SCN1A: variants seen among roughly 807,000 people sequenced by gnomAD.
The protein encoded by SCN1A is sodium channel protein type 1 subunit alpha.
A neutral mutation model predicts 193.7 loss-of-function variants in SCN1A; 13 were observed. The observed-to-expected ratio is 0.07, with a 90% CI of 0.04 to 0.11. The LOEUF (loss-of-function observed/expected upper bound fraction) is 0.11, where lower values mean the gene tolerates loss of function less well. SCN1A is among the 10% of genes least tolerant of loss of function. The probability of loss-of-function intolerance (pLI) is 1.00; values close to 1 mark genes in which losing one functional copy is unlikely to be tolerated. For synonymous variants in SCN1A, 781 were observed against 843.6 expected (o/e 0.93, Z 1.29); for missense variants, 1,432 against 2,451.1 (o/e 0.58, Z 8.78).
intron 2 of SCN1A, among the ~76,000 whole-genome samples, chr2:166,115,129 AG>A (rs1689709620): frequency 6.6e-6 from 1 of 152,102 alleles, no homozygotes; most frequent in South Asian, 2.1e-4. Flanking sequence ...AGGTCGAAAC[AG>A]GTGGATCACC....
At position 165,992,644 on chromosome 2, in the gene SCN1A, T is replaced by TA. The variant is rs34871628; in HGVS notation, c.4853-223dup. The TA allele has an allele frequency of 0.26, 57,114 of 218,556 alleles. 8,264 individuals carry two copies. The highest frequency in any genetic ancestry group is 0.44 in the Middle Eastern group (240 of 540). The allele number at this position is 218,556 out of a possible 1,614,324, so 13.5% of individuals were successfully genotyped here. ...TTATAAGGATTATAGTACTTTTTTT[T>TA]ATCTTTAAGAGATGTTTATAAACTA... On this transcript the variant is annotated intron_variant, in intron 28 of 28. Transcript: ENST00000674923. This position sits in a 1 kb window ranked among gnomAD's most constrained non-coding sequence, Gnocchi z 6.5.
chr2:166,073,257 A>G, intron 4 of SCN1A, 101 bp downstream of exon 4: 1 of 1,373,654 alleles, frequency 7.3e-7, no homozygotes, highest in Non-Finnish European at 1.0e-6. Context: ...ACAGAAGGAT[A>G]CTTAAGATTT....
intron 2 of SCN1A, chr2:166,081,764 C>A (rs908444112): frequency 6.6e-6 from 1 of 151,908 alleles, no homozygotes; most frequent in South Asian, 2.1e-4. Context: ...CCTCCTCACT[C>A]CCCCGTCTCT....
At chr2:166,124,238 G>C (rs1231050270) in intron 2 of SCN1A, among the ~76,000 whole-genome samples, 1 of 151,490 alleles carries the variant, frequency 6.6e-6, no homozygotes, top group Non-Finnish European at 1.5e-5. Flanking sequence ...GTACAGGAGA[G>C]CTTTTTTTTT....
chr2:166,046,651 A>T (rs1314094755), intron 12 of SCN1A, 119 bp downstream of exon 12: 1 of 930,538 alleles, frequency 1.1e-6, no homozygotes, highest in Non-Finnish European at 1.7e-6. Flanking sequence ...TCATCAAAAT[A>T]TAGAAATCAT....
intron 4 of SCN1A, among the ~76,000 whole-genome samples, chr2:166,069,502 A>T (rs16851442): frequency 6.6e-6 from 1 of 152,144 alleles, no homozygotes; most frequent in African/African-American, 2.4e-5. Flanking sequence ...ATATACTCTC[A>T]GCAGTGACAT....
At chr2:166,080,956 G>T (rs181839721) in intron 2 of SCN1A, among the ~76,000 whole-genome samples, 2 of 151,936 alleles carry the variant, frequency 1.3e-5, no homozygotes, top group Non-Finnish European at 2.9e-5. Flanking sequence ...AATATTCAGT[G>T]TCATTTCTAA....
intron 2 of SCN1A, among the ~76,000 whole-genome samples, chr2:166,093,535 G>A (rs1670254777): frequency 6.6e-6 from 1 of 151,928 alleles, no homozygotes; most frequent in African/African-American, 2.4e-5. Flanking sequence ...AGCAGAGATG[G>A]GGTTTCACCG....
intron 23 of SCN1A, chr2:166,009,373 C>A: frequency 5.9e-6 from 1 of 170,044 alleles, no homozygotes; most frequent in South Asian, 1.4e-4. Flanking sequence ...AGAATAAGTA[C>A]CTGATATAGA....
intron 2 of SCN1A, among the ~76,000 whole-genome samples, chr2:166,112,548 G>C (rs1347661993): frequency 6.6e-6 from 1 of 152,038 alleles, no homozygotes; most frequent in Non-Finnish European, 1.5e-5. Flanking sequence ...ATATCTCTGA[G>C]GTGTGCCTGT....
At chr2:166,047,008 A>T in intron 11 of SCN1A, 32 bp from the exon 12 acceptor site, 1 of 1,608,652 alleles carries the variant, frequency 6.2e-7, no homozygotes, top group Non-Finnish European at 8.5e-7. Flanking sequence ...TTATTTCTCA[A>T]TATTATTTCA....
At chr2:166,026,373 C>T (rs1694759159) in intron 19 of SCN1A, among the ~76,000 whole-genome samples, 1 of 151,920 alleles carries the variant, frequency 6.6e-6, no homozygotes, top group South Asian at 2.1e-4. Flanking sequence ...GATAATAACA[C>T]TATTATTATT....
intron 23 of SCN1A, 196 bp from the exon 24 acceptor site, chr2:166,002,949 T>G (rs1691142864): frequency 2.4e-6 from 1 of 425,266 alleles, no homozygotes; most frequent in African/African-American, 2.1e-5. Context: ...GGAAAACAAC[T>G]ATAGGCAATA....
chr2:166,037,905 G>A lies in SCN1A; in HGVS notation c.2817C>T (p.His939=). The stretch of plus-strand genomic sequence containing the variant: ...GCACGCGGAACACAATCAGGAAGGA[G>A]TGGAAGAAGTCATTCATGTGCCAGC... The part of the protein sequence containing the change: ...LPRWHMNDFF[H]SFLIVFRVLC... Residue 939 remains histidine, a synonymous_variant, in exon 18 of 29, where the codon CAC becomes CAT. Transcript: ENST00000674923. 6.2e-7 allele frequency: 1 copy of A among 1,614,182 alleles called. No homozygotes were observed. Among genetic ancestry groups the A allele is most frequent in the South Asian group, 1.1e-5 (1 of 91,080 alleles).
chr2:166,031,751 C>T (rs1483148414), intron 19 of SCN1A, among the ~76,000 whole-genome samples: 2 of 152,084 alleles, frequency 1.3e-5, no homozygotes, highest in African/African-American at 4.8e-5. Flanking sequence ...TAATTAGGCA[C>T]TGTGCTAAGT....
chr2:166,133,661 A>T (rs1482574968), intron 1 of SCN1A, among the ~76,000 whole-genome samples: 1 of 152,054 alleles, frequency 6.6e-6, no homozygotes, highest in Non-Finnish European at 1.5e-5. Flanking sequence ...TTTATTTTTG[A>T]TCTTTTCTTC....
chr2:166,004,905 C>T (rs1303525418), intron 23 of SCN1A, among the ~76,000 whole-genome samples: 4 of 151,462 alleles, frequency 2.6e-5, no homozygotes, highest in African/African-American at 4.8e-5. Context: ...AATGTTTTCC[C>T]CTTTGAATTC....
intron 2 of SCN1A, among the ~76,000 whole-genome samples, chr2:166,088,291 A>C (rs1356067458): frequency 6.6e-6 from 1 of 152,236 alleles, no homozygotes; most frequent in African/African-American, 2.4e-5. Context: ...TAAACATGTA[A>C]GACAATGGAA....
At chr2:166,050,479 T>C (rs150895750) in intron 9 of SCN1A, among the ~76,000 whole-genome samples, 2 of 150,912 alleles carry the variant, frequency 1.3e-5, no homozygotes, top group Non-Finnish European at 3.0e-5. Flanking sequence ...GTCAGTATTT[T>C]GAACTTAGAT....
Sources: allele counts gnomAD v4.1 joint callset (sites outside exome capture counted in the v4.1 genomes callset), GRCh38; gene constraint gnomAD v4.1.1; non-coding constraint Gnocchi (gnomAD v3.1); transcripts MANE v1.5; gene names NCBI Gene and HGNC (gene_info 2026-07-23, HGNC 2026-07-21).